AQP4: variants seen among roughly 807,000 people sequenced by gnomAD.
AQP4 encodes the protein aquaporin 4.
In AQP4, 18 loss-of-function variants were observed where a neutral mutation model predicts 27.8. The ratio of observed to expected loss-of-function variants is 0.65; its 90% CI spans 0.45 to 0.96. The LOEUF is 0.96. AQP4 is among the 40% of genes least tolerant of loss of function. The pLI is 0.00. For missense variants in AQP4, 412 were observed against 408.2 expected (o/e 1.01, Z -0.08); for synonymous variants, 141 against 142.9 (o/e 0.99, Z 0.10).
chr18:26,862,714 T>C (rs2054976962), intron 1 of AQP4, 118 bp from the exon 2 acceptor site: 1 of 1,339,104 alleles, frequency 7.5e-7, no homozygotes, highest in Non-Finnish European at 1.1e-6. Context: ...AGGCGTGATT[T>C]GCACACCAAG....
intron 4 of AQP4, among the ~76,000 whole-genome samples, chr18:26,858,661 A>G (rs74163681): frequency 0.011 from 1,639 of 152,316 alleles, 10 homozygotes; most frequent in Non-Finnish European, 0.016. Context: ...TTAGACATGT[A>G]CTATTCCACA....
Position 26,855,444 on chromosome 18 carries a change from T to C in AQP4, c.*767A>G, listed in dbSNP as rs2054824342. ...ACAGATCTCCTTTTTGTTTGTGATT[T>C]TTGTATGATGATAACTTTGCCTCTG... On this transcript the variant is annotated 3_prime_UTR_variant, in exon 5 of 5. Coordinates refer to ENST00000383168, the MANE Select transcript of AQP4 (RefSeq NM_001650.7). The C allele has an allele frequency of 6.6e-6, 1 of 152,316 alleles. No homozygotes were observed. The highest frequency in any genetic ancestry group is 2.1e-4 in the South Asian group (1 of 4,838). The allele number at this position is 152,316 out of a possible 1,614,324, so 9.4% of individuals were successfully genotyped here. A position where few individuals can be genotyped will look rare whatever the true frequency, so the allele number is the denominator to read the frequency against.
rs191548372 is a variant in AQP4, at chr18:26,864,635, G to A, written c.32+1023C>T. 4.6e-5 allele frequency among the ~76,000 whole-genome samples: 7 copies of A among 152,314 alleles called. No homozygotes were observed. In the East Asian group the frequency reaches 1.3e-3, roughly 29 times the overall value. On this transcript the variant is annotated intron_variant, in intron 1 of 4. Transcript: ENST00000383168. ...AAAAGTCACATATTGAAGAAGTTAG[G>A]AGAGTCACTTCTGAACTCACCGGCA...
intron 1 of AQP4, 83 bp downstream of exon 1, chr18:26,865,572 TAAG>T (rs1368819389): frequency 6.3e-7 from 1 of 1,577,690 alleles, no homozygotes; most frequent in East Asian, 2.2e-5. Flanking sequence ...AGATTCTGCC[TAAG>T]AAGGCACAAA....
rs764109804 is a variant in AQP4 at position 26,856,226 on chromosome 18, T to C, written c.957A>G (p.Val319=). 3 of 1,614,188 alleles carry C rather than the reference T, an allele frequency of 1.9e-6. No homozygotes were observed. Among genetic ancestry groups the C allele is most frequent in the Non-Finnish European group, 1.7e-6 (2 of 1,180,038 alleles). Residue 319 remains valine, a synonymous_variant, in exon 5 of 5, where the codon GTA becomes GTG. Coordinates refer to ENST00000383168, the MANE Select transcript of AQP4 (RefSeq NM_001650.7). ...GATCTTCTAGTCATACTGAAGACAA[T>C]ACCTCTCCAGATTGGTCTTTCCCCT... ...EKKGKDQSGE[V]LSSV
Position 26,862,572 on chromosome 18 carries a change from T to G in AQP4, c.57A>C (p.Arg19Ser). The G allele has an allele frequency of 6.2e-7, 1 of 1,614,058 alleles. No homozygotes were observed. The highest frequency in any genetic ancestry group is 8.5e-7 in the Non-Finnish European group (1 of 1,180,042). The change falls in exon 2 of 5, where the codon AGA (arginine) becomes AGC (serine). Residue 19 changes from arginine (R) to serine (S), a missense_variant. Arg to Ser is a moderately radical substitution (Grantham distance 110, BLOSUM62 -1). Transcript: ENST00000383168. Reference protein sequence around the residue: ...RWGKCGPLCTRENIMVAFKGV... With the variant: ...RWGKCGPLCTSENIMVAFKGV... ...CTTTGAAAGCCACCATGATGTTCTC[T>G]CTGGTACACAAAGGTCCACACTTAC...
chr18:26,860,791 C>A lies in AQP4; in HGVS notation c.674G>T (p.Gly225Val). 1 of 1,614,004 alleles carries A rather than the reference C, an allele frequency of 6.2e-7. No homozygotes were observed. Among genetic ancestry groups the A allele is most frequent in the South Asian group, 1.1e-5 (1 of 91,074 alleles). Residue 225 changes from glycine to valine, a missense_variant, in exon 4 of 5, where the codon GGA becomes GTA. Coordinates refer to ENST00000383168, the MANE Select transcript of AQP4 (RefSeq NM_001650.7). Reference sequence around the variant, plus strand: ...GGTTACCCAATGGTTTTCCCAATTTCCCATGATAACTGCAGGTCCAAAGGA... The same window carrying A: ...GGTTACCCAATGGTTTTCCCAATTTACCATGATAACTGCAGGTCCAAAGGA... Reference protein sequence around the residue: ...ARSFGPAVIMGNWENHWIYWV... With the variant: ...ARSFGPAVIMVNWENHWIYWV...
At position 26,862,302 on chromosome 18, in the gene AQP4, C is replaced by T. The variant is rs888325564; in HGVS notation, c.327G>A (p.Lys109=). 1.7e-5 allele frequency: 27 copies of T among 1,614,112 alleles called. No individual in the cohort carries two copies. Among genetic ancestry groups the T allele is most frequent in the Non-Finnish European group, 2.3e-5 (27 of 1,180,042 alleles). The change falls in exon 2 of 5, where the codon AAG becomes AAA. Residue 109 remains lysine (K), a synonymous_variant. Coordinates refer to ENST00000383168, the MANE Select transcript of AQP4 (RefSeq NM_001650.7). The part of the protein sequence containing the change: ...AVTVAMVCTR[K]ISIAKSVFYI... Reference sequence around the variant, plus strand: ...AGAAGACAGACTTGGCGATGCTGATCTTCCTGGTGCACACCATGGCCACAG... The same window carrying T: ...AGAAGACAGACTTGGCGATGCTGATTTTCCTGGTGCACACCATGGCCACAG...
Position 26,856,133 on chromosome 18 carries a change from A to G in AQP4, c.*78T>C, listed in dbSNP as rs1383312833. ...CCTGCACATTTCTAATTTATAACAA[A>G]TCTGTTTCCTTAATGGGTGGAAGGA... On this transcript the variant is annotated 3_prime_UTR_variant, in exon 5 of 5. Coordinates refer to ENST00000383168, the MANE Select transcript of AQP4 (RefSeq NM_001650.7). 1 of 1,542,476 alleles carries G rather than the reference A, an allele frequency of 6.5e-7. No homozygotes were observed. Among genetic ancestry groups the G allele is most frequent in the Non-Finnish European group, 9.0e-7 (1 of 1,116,880 alleles).
chr18:26,865,286 G>A, intron 1 of AQP4: 1 of 359,858 alleles, frequency 2.8e-6, no homozygotes, highest in South Asian at 2.6e-5. Flanking sequence ...CGGGTTTGTT[G>A]ATGTACTGAA....
chr18:26,865,728 C>T (rs162008), upstream of AQP4: 320,101 of 1,612,618 alleles, frequency 0.2, 33,551 homozygotes, highest in East Asian at 0.36. Flanking sequence ...TTGCCTGCCC[C>T]GCAGCTCCCT....
At chr18:26,865,557 C>T in intron 1 of AQP4, 101 bp downstream of exon 1, 1 of 1,511,450 alleles carries the variant, frequency 6.6e-7, no homozygotes, top group Non-Finnish European at 9.2e-7. Context: ...CTATAGCTGC[C>T]TTCCAGATTC....
chr18:26,864,132 G>T (rs773078360), intron 1 of AQP4, among the ~76,000 whole-genome samples: 11 of 152,212 alleles, frequency 7.2e-5, no homozygotes, highest in Non-Finnish European at 1.6e-4. Flanking sequence ...CACGTAAGGG[G>T]TTAGGCAAGA....
intron 4 of AQP4, among the ~76,000 whole-genome samples, chr18:26,858,988 C>A (rs954687426): frequency 2.0e-5 from 3 of 152,102 alleles, no homozygotes; most frequent in Non-Finnish European, 4.4e-5. Context: ...TTCATACAAC[C>A]ATTGCTATTT....
Position 26,862,355 on chromosome 18 carries a change from T to A in AQP4, c.274A>T (p.Ser92Cys). 6.2e-7 allele frequency: 1 copy of A among 1,614,172 alleles called. No homozygotes were observed. Among genetic ancestry groups the A allele is most frequent in the Non-Finnish European group, 8.5e-7 (1 of 1,180,030 alleles). ...ATMVQCFGHI[S>C]GGHINPAVTV... ...ACTGCAGGGTTGATGTGGCCACCGC[T>A]GATATGGCCAAAGCACTGCACCATG... is the stretch of plus-strand genomic sequence containing the variant. Residue 92 changes from serine to cysteine, a missense_variant, in exon 2 of 5, where the codon AGC becomes TGC. Physicochemically the swap from Ser to Cys is moderately radical, Grantham distance 112. Coordinates refer to ENST00000383168, the MANE Select transcript of AQP4 (RefSeq NM_001650.7).
chr18:26,860,926 G>T (rs2054930526), intron 3 of AQP4, 74 bp from the exon 4 acceptor site: 10 of 1,484,742 alleles, frequency 6.7e-6, no homozygotes, highest in African/African-American at 1.4e-5. Context: ...ATTGCAATTT[G>T]CTGTCATTTG....
intron 4 of AQP4, among the ~76,000 whole-genome samples, chr18:26,858,869 A>G (rs2054889681): frequency 1.3e-5 from 2 of 152,268 alleles, no homozygotes; most frequent in African/African-American, 2.4e-5. Flanking sequence ...GTGTAAAAGT[A>G]TAAAGAAAAC....
At position 26,852,665 on chromosome 18, in the gene AQP4, AAG is replaced by A. The variant is rs1273432391; in HGVS notation, c.*3544_*3545del. The A allele has an allele frequency of 2.5e-6, 1 of 395,156 alleles. No individual in the cohort carries two copies. The highest frequency in any genetic ancestry group is 2.1e-5 in the African/African-American group (1 of 48,580). 24.5% of individuals were successfully genotyped at this position (395,156 alleles called of 1,614,324 possible). On this transcript the variant is annotated 3_prime_UTR_variant, in exon 5 of 5. Coordinates refer to ENST00000383168, the MANE Select transcript of AQP4 (RefSeq NM_001650.7). ...AAACTCACAAAATTTGTGGTAACAA[AAG>A]AGAGTTTTGTTACATTACACTTTCC...
rs1341713277 is a variant in AQP4, at chr18:26,852,539, T to C, written c.*3672A>G. The stretch of plus-strand genomic sequence containing the variant: ...GGCTATAGGTAGTCATTTGCAAAGA[T>C]GGCCACAATTTTTGATCCTTGAATT... On this transcript the variant is annotated 3_prime_UTR_variant, in exon 5 of 5. Coordinates refer to ENST00000383168, the MANE Select transcript of AQP4 (RefSeq NM_001650.7). 1.3e-4 allele frequency: 40 copies of C among 312,888 alleles called. No individual in the cohort carries two copies. Among genetic ancestry groups the C allele is most frequent in the Non-Finnish European group, 1.7e-5 (3 of 172,410 alleles). The allele number at this position is 312,888 out of a possible 1,614,324, so 19.4% of individuals were successfully genotyped here. A position where few individuals can be genotyped will look rare whatever the true frequency, so the allele number is the denominator to read the frequency against.
Sources: allele counts gnomAD v4.1 joint callset (sites outside exome capture counted in the v4.1 genomes callset), GRCh38; gene constraint gnomAD v4.1.1; transcripts MANE v1.5; gene names NCBI Gene and HGNC (gene_info 2026-07-23, HGNC 2026-07-21).